The following APOLD1 variants were observed in gnomAD, a reference collection of about 807,000 sequenced individuals.
The protein encoded by APOLD1 is apolipoprotein L domain containing 1.
Under a neutral mutation model 15.3 loss-of-function variants are expected in APOLD1, and 22 were observed. The observed-to-expected ratio is 1.44, with a 90% CI of 1.03 to 2.05. The LOEUF is 2.05. APOLD1 is among the 30% of genes most tolerant of loss of function. The probability of loss-of-function intolerance (pLI) is 0.00; values close to 1 mark genes in which losing one functional copy is unlikely to be tolerated. For missense variants in APOLD1, 394 were observed against 353.5 expected (o/e 1.11, Z -0.92); for synonymous variants, 190 against 167.4 (o/e 1.13, Z -1.04).
In APOLD1 at chr12:12,789,246, C is replaced by T. The variant is rs2136404346; in HGVS notation, c.*1594C>T. 6.6e-6 allele frequency: 1 copy of T among 152,336 alleles called. No individual in the cohort carries two copies. Among genetic ancestry groups the T allele is most frequent in the Non-Finnish European group, 1.5e-5 (1 of 68,032 alleles). The allele number at this position is 152,336 out of a possible 1,614,324, so 9.4% of individuals were successfully genotyped here. A position where few individuals can be genotyped will look rare whatever the true frequency, so the allele number is the denominator to read the frequency against. On this transcript the variant is annotated 3_prime_UTR_variant, in exon 2 of 2. Transcript: ENST00000356591. Reference sequence around the variant, plus strand: ...AAGAGATGAGATTAAGTTTGAGTTTCTAAGGCAGGGCATGAGCTGGAAATA... The same window carrying T: ...AAGAGATGAGATTAAGTTTGAGTTTTTAAGGCAGGGCATGAGCTGGAAATA...
At chr12:12,762,443 CT>C (rs1421681518) in intron 1 of APOLD1, among the ~76,000 whole-genome samples, 1 of 151,914 alleles carries the variant, frequency 6.6e-6, no homozygotes, top group African/African-American at 2.4e-5. Context: ...CAACCTCTGC[CT>C]CCCAGGTTCA....
chr12:12,773,654 G>A lies in APOLD1; in HGVS notation c.97-13255G>A, dbSNP rs924349168. Among the ~76,000 whole-genome samples the A allele has an allele frequency of 3.9e-5, 6 of 152,150 alleles. No homozygotes were observed. In the South Asian group the frequency reaches 1.2e-3, roughly 32 times the overall value. On this transcript the variant is annotated intron_variant, in intron 1 of 1. Coordinates refer to the APOLD1 transcript ENST00000326765. ...AAATCAAAATCTGGTTCTTTGAAAT[G>A]ATTAATAAAATCAATGAACCTCTTC...
chr12:12,768,353 C>T (rs1027115029), intron 1 of APOLD1, among the ~76,000 whole-genome samples: 5 of 152,056 alleles, frequency 3.3e-5, no homozygotes. Flanking sequence ...GCAATTGAGG[C>T]TGAGTGCAGT....
intron 1 of APOLD1, among the ~76,000 whole-genome samples, chr12:12,734,663 A>G (rs1397029594): frequency 6.6e-6 from 1 of 152,250 alleles, no homozygotes; most frequent in Non-Finnish European, 1.5e-5. Context: ...TTTTGGCCAC[A>G]AACCACATAT....
At chr12:12,767,933 G>T (rs796601655) in intron 1 of APOLD1, among the ~76,000 whole-genome samples, 1 of 151,846 alleles carries the variant, frequency 6.6e-6, no homozygotes, top group Non-Finnish European at 1.5e-5. Flanking sequence ...CTACAGGCAC[G>T]TGCCACCATG....
chr12:12,746,510 A>AATAAATAAATAAATAAATAC (rs57489224), intron 1 of APOLD1, among the ~76,000 whole-genome samples: 15 of 149,950 alleles, frequency 1.0e-4, no homozygotes, highest in African/African-American at 2.2e-4. Flanking sequence ...TAAATAAATA[A>AATAAATAAATAAATAAATAC]ATAAATACAT....
chr12:12,757,421 A>C (rs1397510624), intron 1 of APOLD1, among the ~76,000 whole-genome samples: 1 of 152,244 alleles, frequency 6.6e-6, no homozygotes, highest in Non-Finnish European at 1.5e-5. Context: ...AGAGAGGCAC[A>C]TTGAAGAACC....
At position 12,726,655 on chromosome 12, in the gene APOLD1, C is replaced by T. The variant is rs1419841244; in HGVS notation, c.96+559C>T. Among the ~76,000 whole-genome samples the T allele has an allele frequency of 3.9e-5, 6 of 152,296 alleles. No homozygotes were observed. In the East Asian group the frequency reaches 1.2e-3, roughly 29 times the overall value. On this transcript the variant is annotated intron_variant, in intron 1 of 1. Coordinates refer to the APOLD1 transcript ENST00000326765. ...GACGAGTTTAACCAGATATCCAGCA[C>T]TAGCCTTCTAACAGTTTCTAACTCA...
intron 1 of APOLD1, among the ~76,000 whole-genome samples, chr12:12,759,772 G>C (rs556244551): frequency 6.6e-6 from 1 of 152,212 alleles, no homozygotes. Context: ...CAGAGCCAAC[G>C]GGAGATGAGA....
At chr12:12,767,435 G>A (rs1239234579) in intron 1 of APOLD1, among the ~76,000 whole-genome samples, 1 of 152,190 alleles carries the variant, frequency 6.6e-6, no homozygotes, top group Middle Eastern at 3.2e-3. Flanking sequence ...GCCGAGGTGG[G>A]TGGGTCACTT....
chr12:12,771,429 G>T, intron 1 of APOLD1: 1 of 432,162 alleles, frequency 2.3e-6, no homozygotes, highest in South Asian at 1.8e-5. Context: ...ACAAGAGGTT[G>T]ACTTTCTGTC....
intron 1 of APOLD1, among the ~76,000 whole-genome samples, chr12:12,741,769 A>G (rs1157820923): frequency 1.3e-5 from 2 of 152,244 alleles, no homozygotes; most frequent in Non-Finnish European, 2.9e-5. Flanking sequence ...TAAGCCACTC[A>G]TCTACATTGT....
rs905916548 is a variant in APOLD1, at chr12:12,789,770, A to G, written c.*2118A>G. The G allele has an allele frequency of 5.3e-5, 8 of 152,330 alleles. No individual in the cohort carries two copies. The highest frequency in any genetic ancestry group is 1.9e-4 in the African/African-American group (8 of 41,574). 9.4% of individuals were successfully genotyped at this position (152,330 alleles called of 1,614,324 possible). ...GCAAAAACGGTGCCTCTGTTACTTA[A>G]TTATTTAATATTCTATAAATGTACC... On this transcript the variant is annotated 3_prime_UTR_variant, in exon 2 of 2. Transcript: ENST00000356591.
chr12:12,761,004 G>A (rs762848983), intron 1 of APOLD1, among the ~76,000 whole-genome samples: 7 of 152,162 alleles, frequency 4.6e-5, no homozygotes, highest in Non-Finnish European at 1.0e-4. Context: ...TCGTGCTTTT[G>A]AGATGTTAAA....
At chr12:12,742,198 A>G (rs1946733480) in intron 1 of APOLD1, among the ~76,000 whole-genome samples, 1 of 152,212 alleles carries the variant, frequency 6.6e-6, no homozygotes, top group Admixed American at 6.5e-5. Context: ...TGGAAAGAAC[A>G]AAATTACGAG....
chr12:12,726,239 G>T, intron 1 of APOLD1: 2 of 735,152 alleles, frequency 2.7e-6, no homozygotes, highest in Admixed American at 2.3e-5. Context: ...TCATAATTCA[G>T]CCAGTCGGTG....
chr12:12,787,370 C>A lies in APOLD1; in HGVS notation c.465C>A (p.Cys155Ter), dbSNP rs748168170. The change falls in exon 2 of 2, where the codon TGC becomes TGA. Residue 155 changes from cysteine to a stop codon, truncating the protein, a stop_gained. Transcript: ENST00000356591. LOFTEE classifies it high-confidence loss of function. The surrounding 1 kb of genome is among the most constrained non-coding windows in gnomAD (Gnocchi z 4.9). The part of the protein sequence containing the change: ...QGCGDRQLLQ[C>*]GRNASIALYN... ...GCGGGGACCGCCAGCTGCTGCAGTGCGGGAGGAACGCCTCCATCGCCCTGT... is the reference window on the plus strand; with the variant it reads ...GCGGGGACCGCCAGCTGCTGCAGTGAGGGAGGAACGCCTCCATCGCCCTGT... 5 of 1,614,090 alleles carry A rather than the reference C, an allele frequency of 3.1e-6. No homozygotes were observed. Among genetic ancestry groups the A allele is most frequent in the Non-Finnish European group, 4.2e-6 (5 of 1,180,030 alleles).
At chr12:12,773,427 A>G (rs1415815658) in intron 1 of APOLD1, among the ~76,000 whole-genome samples, 1 of 152,060 alleles carries the variant, frequency 6.6e-6, no homozygotes, top group African/African-American at 2.4e-5. Flanking sequence ...ACCAGGCATG[A>G]TGGTGTATGC....
At chr12:12,752,883 T>C (rs1266904781) in intron 1 of APOLD1, among the ~76,000 whole-genome samples, 1 of 152,222 alleles carries the variant, frequency 6.6e-6, no homozygotes, top group Non-Finnish European at 1.5e-5. Flanking sequence ...TGCTGCTTGC[T>C]ATCCCTTCTC....
Sources: allele counts gnomAD v4.1 joint callset (sites outside exome capture counted in the v4.1 genomes callset), GRCh38; gene constraint gnomAD v4.1.1; non-coding constraint Gnocchi (gnomAD v3.1); transcripts MANE v1.5; gene names NCBI Gene and HGNC (gene_info 2026-07-23, HGNC 2026-07-21).